The following FOXP1 variants were observed in gnomAD, a reference collection of about 807,000 sequenced individuals.
The protein encoded by FOXP1 is forkhead box P1, also known as forkhead box protein P1.
FOXP1 carries 15 observed loss-of-function variants against 98.2 expected under a neutral mutation model. The ratio of observed to expected loss-of-function variants is 0.15; its 90% CI spans 0.10 to 0.24. The LOEUF is 0.24. Ranked by LOEUF, FOXP1 falls within the 10% of genes least tolerant of loss-of-function variation. The pLI, the probability that FOXP1 is intolerant of heterozygous loss-of-function variation, is 1.00. For synonymous variants in FOXP1, 371 were observed against 314.5 expected, an observed-to-expected ratio of 1.18 and a Z score of -1.90; for missense variants, 633 against 848.5, an observed-to-expected ratio of 0.75 and a Z score of 3.15.
chr3:71,192,293 C>T (rs1283760267), intron 6 of FOXP1, among the ~76,000 whole-genome samples: 1 of 152,206 alleles, frequency 6.6e-6, no homozygotes, highest in Admixed American at 6.5e-5. Context: ...CCAGTCTTTA[C>T]ACCTATAGAT....
intron 4 of FOXP1, among the ~76,000 whole-genome samples, chr3:71,338,779 A>G (rs1236054455): frequency 6.6e-6 from 1 of 152,220 alleles, no homozygotes; most frequent in Non-Finnish European, 1.5e-5. Context: ...AAATAGGACT[A>G]CAGAACTTGC....
At chr3:71,210,700 TG>T (rs1259921731) in intron 5 of FOXP1, 1 of 152,168 alleles carries the variant, frequency 6.6e-6, no homozygotes, top group Non-Finnish European at 1.5e-5. Context: ...CACTACCCTA[TG>T]GATGACTAGG....
intron 18 of FOXP1, chr3:70,972,183 G>A (rs1386569754): frequency 2.0e-6 from 3 of 1,520,004 alleles, no homozygotes; most frequent in Non-Finnish European, 2.6e-6. Context: ...ATGGCACCCT[G>A]GGATAGGAGC....
chr3:71,053,909 G>A (rs1169236456), intron 7 of FOXP1, 136 bp from the exon 8 acceptor site: 38 of 888,770 alleles, frequency 4.3e-5, no homozygotes, highest in Middle Eastern at 3.0e-4. Flanking sequence ...ATCCAGAGGG[G>A]ATGCAGCAAC....
intron 5 of FOXP1, among the ~76,000 whole-genome samples, chr3:71,296,861 C>T (rs541569086): frequency 2.0e-5 from 3 of 152,302 alleles, no homozygotes; most frequent in Middle Eastern, 6.8e-3. Context: ...TAAAAAGAGC[C>T]TGGCTCCCCT....
intron 6 of FOXP1, among the ~76,000 whole-genome samples, chr3:71,170,742 C>G (rs1439796833): frequency 6.6e-6 from 1 of 152,196 alleles, no homozygotes; most frequent in Non-Finnish European, 1.5e-5. Context: ...AGCTGTTAAG[C>G]AGGCCTCCCA....
At chr3:71,312,610 G>A (rs573986817) in intron 4 of FOXP1, among the ~76,000 whole-genome samples, 2 of 152,234 alleles carry the variant, frequency 1.3e-5, no homozygotes, top group Non-Finnish European at 2.9e-5. Context: ...GATTGCTTGA[G>A]CCCAGGAATT....
chr3:71,563,377 C>T (rs830607), intron 2 of FOXP1, among the ~76,000 whole-genome samples: 41 of 152,302 alleles, frequency 2.7e-4, no homozygotes, highest in African/African-American at 9.4e-4. Flanking sequence ...TTTTATTCAA[C>T]TCAATGCATG....
Position 71,237,231 on chromosome 3 carries a change from G to GAAAAAAAAAAAAAAAAAAAA in FOXP1, c.-11-38859_-11-38840dup, listed in dbSNP as rs757405755. Among the ~76,000 whole-genome samples the GAAAAAAAAAAAAAAAAAAAA allele has an allele frequency of 1.4e-4, 4 of 28,272 alleles. 1 individual carries two copies. The highest frequency in any genetic ancestry group is 2.3e-4 in the Non-Finnish European group (4 of 17,166). The allele number at this position is 28,272 out of a possible 152,430, so 18.5% of individuals were successfully genotyped here. On this transcript the variant is annotated intron_variant, in intron 5 of 20. Transcript: ENST00000649528. The stretch of plus-strand genomic sequence containing the variant: ...TGGGCGACAGAGCAAGACTCCATCT[G>GAAAAAAAAAAAAAAAAAAAA]AAAAAAAAAAAAAAAAAAAAAAAAA...
chr3:71,274,017 G>A (rs538260067), intron 5 of FOXP1, among the ~76,000 whole-genome samples: 1 of 152,268 alleles, frequency 6.6e-6, no homozygotes, highest in East Asian at 1.9e-4. Context: ...AGCCTTCACT[G>A]CAGGGTAGCC....
chr3:71,377,335 A>G (rs955097941), intron 3 of FOXP1, among the ~76,000 whole-genome samples: 1 of 152,216 alleles, frequency 6.6e-6, no homozygotes, highest in African/African-American at 2.4e-5. Flanking sequence ...GCAAAACAAT[A>G]CTTGGAAATA....
At chr3:71,344,836 TA>T (rs35662824) in intron 4 of FOXP1, among the ~76,000 whole-genome samples, 5,474 of 150,432 alleles carry the variant, frequency 0.036, 325 homozygotes, top group African/African-American at 0.13. Context: ...CCGTCTCAAT[TA>T]AAAAAAAAAT....
chr3:71,420,628 G>A (rs1377748942), intron 3 of FOXP1, among the ~76,000 whole-genome samples: 2 of 152,082 alleles, frequency 1.3e-5, no homozygotes, highest in African/African-American at 4.8e-5. Context: ...CTGCCCAAGT[G>A]GATCAGCAAA....
intron 2 of FOXP1, chr3:71,581,178 A>T (rs2048132007): frequency 1.0e-6 from 1 of 985,034 alleles, no homozygotes; most frequent in Middle Eastern, 5.2e-4. Context: ...AAATCAATAC[A>T]CTTTGTAATC....
At chr3:71,198,003 G>A (rs2063398197) in intron 6 of FOXP1, 199 bp downstream of exon 6, 1 of 1,614,090 alleles carries the variant, frequency 6.2e-7, no homozygotes, top group Non-Finnish European at 8.5e-7. Context: ...ACTCCCAAGG[G>A]CTTGAAATTA....
intron 8 of FOXP1, among the ~76,000 whole-genome samples, chr3:71,053,262 C>G (rs369690452): frequency 6.6e-5 from 10 of 152,148 alleles, no homozygotes; most frequent in Non-Finnish European, 1.5e-4. Flanking sequence ...GCTTCTGAGT[C>G]GAAATGGGGA....
intron 2 of FOXP1, among the ~76,000 whole-genome samples, chr3:71,554,580 T>A (rs2045993054): frequency 6.6e-6 from 1 of 152,198 alleles, no homozygotes; most frequent in African/African-American, 2.4e-5. Context: ...TAACTGAGTT[T>A]CTATTTGAAA....
chr3:71,447,803 C>A (rs1194569476), intron 3 of FOXP1, among the ~76,000 whole-genome samples: 1 of 152,160 alleles, frequency 6.6e-6, no homozygotes, highest in Non-Finnish European at 1.5e-5. Context: ...GTTTGGATAT[C>A]ATGTCTTTCT....
At chr3:71,375,239 G>C (rs1577195775) in intron 3 of FOXP1, among the ~76,000 whole-genome samples, 1 of 152,180 alleles carries the variant, frequency 6.6e-6, no homozygotes, top group Non-Finnish European at 1.5e-5. Context: ...GTAAAGTAGA[G>C]AACTGGACAA....
Sources: gnomAD v4.1 joint callset for allele counts (sites outside exome capture counted in the v4.1 genomes callset) on GRCh38, gnomAD v4.1.1 for gene constraint, MANE v1.5 for transcripts, NCBI Gene and HGNC (gene_info 2026-07-23, HGNC 2026-07-21) for gene names.